The following FUT9 variants were observed in gnomAD, a reference collection of about 807,000 sequenced individuals.
The protein encoded by FUT9 is fucosyltransferase 9, also known as 4-galactosyl-N-acetylglucosaminide 3-alpha-L-fucosyltransferase 9.
FUT9 carries 15 observed loss-of-function variants against 29.7 expected under a neutral mutation model. That is an observed-to-expected ratio of 0.51 (90% confidence interval 0.34 to 0.78). FUT9 has a LOEUF of 0.78. Ranked by LOEUF, FUT9 falls within the 30% of genes least tolerant of loss-of-function variation. The probability of loss-of-function intolerance (pLI) is 0.01; values close to 1 mark genes in which losing one functional copy is unlikely to be tolerated. For missense variants in FUT9, 319 were observed against 425.4 expected (o/e 0.75, Z 2.20); for synonymous variants, 169 against 153.7 (o/e 1.10, Z -0.74).
At chr6:96,049,451 C>T (rs2127937437) in intron 1 of FUT9, among the ~76,000 whole-genome samples, 1 of 152,296 alleles carries the variant, frequency 6.6e-6, no homozygotes. Context: ...ATATCTTAGT[C>T]CTGTCCTTCT....
At chr6:96,184,389 G>C (rs1773366555) in intron 2 of FUT9, among the ~76,000 whole-genome samples, 1 of 151,960 alleles carries the variant, frequency 6.6e-6, no homozygotes, top group East Asian at 1.9e-4. Context: ...TCTTTTCAAA[G>C]AACCAGTTTT....
intron 1 of FUT9, among the ~76,000 whole-genome samples, chr6:96,065,257 C>T (rs1770943148): frequency 1.3e-5 from 2 of 152,020 alleles, no homozygotes; most frequent in Non-Finnish European, 2.9e-5. Context: ...CAGTCAAGGT[C>T]GAACTAATAA....
At chr6:96,031,520 T>C (rs1280202326) in intron 1 of FUT9, among the ~76,000 whole-genome samples, 1 of 151,434 alleles carries the variant, frequency 6.6e-6, no homozygotes, top group Non-Finnish European at 1.5e-5. Context: ...CCCCCCAAGA[T>C]CACGGCCCAG....
At chr6:96,065,388 T>TA (rs1770945237) in intron 1 of FUT9, among the ~76,000 whole-genome samples, 1 of 152,096 alleles carries the variant, frequency 6.6e-6, no homozygotes, top group African/African-American at 2.4e-5. Context: ...AAGCCTCCTG[T>TA]AGCCACAGGA....
At chr6:96,044,604 G>A (rs566973239) in intron 1 of FUT9, among the ~76,000 whole-genome samples, 46 of 152,092 alleles carry the variant, frequency 3.0e-4, no homozygotes, top group Non-Finnish European at 6.2e-4. Flanking sequence ...GAAACTCTTA[G>A]ACTAGAAACT....
At chr6:96,106,156 A>T (rs1376932249) in intron 1 of FUT9, among the ~76,000 whole-genome samples, 2 of 151,996 alleles carry the variant, frequency 1.3e-5, no homozygotes, top group Admixed American at 1.3e-4. Flanking sequence ...AGCAGGCAGC[A>T]TGTATGGAGC....
intron 2 of FUT9, among the ~76,000 whole-genome samples, chr6:96,128,353 A>T (rs1772170703): frequency 2.0e-5 from 3 of 152,194 alleles, no homozygotes; most frequent in South Asian, 4.1e-4. Flanking sequence ...TTCACAAAGG[A>T]AATAAAAATT....
rs367906539 is a variant in FUT9, at chr6:96,211,273, C to G, written c.*7038C>G. On this transcript the variant is annotated 3_prime_UTR_variant, in exon 3 of 3. Transcript: ENST00000302103. ...TTTCTTAAGATAATTGGAACTCAAG[C>G]AGTCCTAATTTTCTCTCCCTGTTAT... 2.0e-3 allele frequency: 334 copies of G among 166,804 alleles called. No individual in the cohort carries two copies. The highest frequency in any genetic ancestry group is 7.8e-3 in the African/African-American group (322 of 41,506). 10.3% of individuals were successfully genotyped at this position (166,804 alleles called of 1,614,324 possible).
At chr6:96,028,228 T>A (rs769358618) in intron 1 of FUT9, among the ~76,000 whole-genome samples, 14 of 151,380 alleles carry the variant, frequency 9.2e-5, no homozygotes, top group Admixed American at 8.6e-4. Flanking sequence ...TATATTATAA[T>A]AGGGCTTCAT....
At chr6:96,022,458 T>C (rs1388036633) in intron 1 of FUT9, among the ~76,000 whole-genome samples, 1 of 152,020 alleles carries the variant, frequency 6.6e-6, no homozygotes, top group Non-Finnish European at 1.5e-5. Flanking sequence ...AGGTATTGCA[T>C]GGGAAATGCA....
intron 1 of FUT9, among the ~76,000 whole-genome samples, chr6:96,110,815 C>CTTTTTTTTATTTATTTATTTATTTATT (rs1771790594): frequency 6.9e-6 from 1 of 145,046 alleles, no homozygotes; most frequent in Non-Finnish European, 1.5e-5. Context: ...ACAAATGTGC[C>CTTTTTTTTATTTATTTATTTATTTATT]TATTTATTTA....
chr6:96,043,843 TAATC>T (rs1770511871), intron 1 of FUT9, among the ~76,000 whole-genome samples: 1 of 152,192 alleles, frequency 6.6e-6, no homozygotes, highest in Admixed American at 6.5e-5. Context: ...AGTAAAATAA[TAATC>T]TTTTAAAAAC....
At chr6:96,186,656 T>C (rs1013110364) in intron 2 of FUT9, among the ~76,000 whole-genome samples, 7 of 152,164 alleles carry the variant, frequency 4.6e-5, no homozygotes, top group African/African-American at 1.7e-4. Context: ...ATCTGCTGTC[T>C]GCAACCTGGA....
intron 2 of FUT9, among the ~76,000 whole-genome samples, chr6:96,135,869 T>C (rs927764847): frequency 4.6e-5 from 7 of 151,644 alleles, no homozygotes; most frequent in African/African-American, 1.7e-4. Flanking sequence ...AATAAGAAAG[T>C]GGGAAGCAAA....
chr6:96,197,360 G>A (rs6934407), intron 2 of FUT9, among the ~76,000 whole-genome samples: 139,124 of 152,038 alleles, frequency 0.92, 64,930 homozygotes, highest in Non-Finnish European at 1. Flanking sequence ...GAAATACCAG[G>A]GATTATATCT....
At chr6:96,134,151 T>G (rs187235788) in intron 2 of FUT9, among the ~76,000 whole-genome samples, 1 of 151,848 alleles carries the variant, frequency 6.6e-6, no homozygotes, top group African/African-American at 2.4e-5. Context: ...GTAGAATTAA[T>G]ACATGTTCAT....
chr6:96,191,496 T>C (rs183421155), intron 2 of FUT9, among the ~76,000 whole-genome samples: 38 of 152,220 alleles, frequency 2.5e-4, no homozygotes, highest in Middle Eastern at 3.4e-3. Flanking sequence ...ATGGATAAAT[T>C]CCTGGACACA....
At chr6:96,054,624 C>CAGAT (rs1770730363) in intron 1 of FUT9, among the ~76,000 whole-genome samples, 1 of 152,196 alleles carries the variant, frequency 6.6e-6, no homozygotes, top group South Asian at 2.1e-4. Flanking sequence ...TGCAATGTAG[C>CAGAT]AGATAGATTC....
chr6:96,152,340 A>G (rs4348328), intron 2 of FUT9, among the ~76,000 whole-genome samples: 26,549 of 152,150 alleles, frequency 0.17, 2,673 homozygotes, highest in East Asian at 0.24. Flanking sequence ...TCGCTCCCAC[A>G]GGCATCTGGC....
Sources: allele counts gnomAD v4.1 joint callset (sites outside exome capture counted in the v4.1 genomes callset), GRCh38; gene constraint gnomAD v4.1.1; transcripts MANE v1.5; gene names NCBI Gene and HGNC (gene_info 2026-07-23, HGNC 2026-07-21).